The following TCF20 variants were observed in gnomAD, a reference collection of about 807,000 sequenced individuals.
The protein encoded by TCF20 is transcription factor 20, also known as SPRE-binding protein.
In TCF20, 3 loss-of-function variants were observed where a neutral mutation model predicts 148.6. The observed-to-expected ratio is 0.02, with a 90% confidence interval of 0.01 to 0.05. TCF20 has a LOEUF of 0.05. Ranked by LOEUF, TCF20 falls within the 10% of genes least tolerant of loss-of-function variation. The pLI is 1.00. For missense variants in TCF20, 2,350 were observed against 2,429.3 expected, an observed-to-expected ratio of 0.97 and a Z score of 0.69; for synonymous variants, 1,049 against 909.5, an observed-to-expected ratio of 1.15 and a Z score of -2.76.
Position 42,173,160 on chromosome 22 carries a change from C to T in TCF20, c.5750-3264G>A, listed in dbSNP as rs371846236. ...AAAACCCTCCACACAAGGTTCTTTA[C>T]GCACAGTGGAATTATTAATGAGCTA... On this transcript the variant is annotated intron_variant, in intron 3 of 5. Coordinates refer to ENST00000677622, the MANE Select transcript of TCF20 (RefSeq NM_001378418.1). Among the ~76,000 whole-genome samples the T allele has an allele frequency of 1.3e-4, 20 of 150,938 alleles. 1 individual carries two copies. The highest frequency in any genetic ancestry group is 1.0e-3 in the South Asian group (5 of 4,774).
chr22:42,309,660 C>T (rs952630922), intron 1 of TCF20, among the ~76,000 whole-genome samples: 5 of 101,460 alleles, frequency 4.9e-5, no homozygotes, highest in African/African-American at 2.3e-4. Flanking sequence ...GCCCCTGCAA[C>T]TCCCCACTGC....
intron 3 of TCF20, among the ~76,000 whole-genome samples, 184 bp from the exon 4 acceptor site, chr22:42,170,080 T>TAA (rs1936030165): frequency 6.6e-6 from 1 of 152,050 alleles, no homozygotes; most frequent in Admixed American, 6.6e-5. Context: ...ATCGGTCACT[T>TAA]AAAAATTAAC....
At chr22:42,183,796 G>C (rs571837104) in intron 2 of TCF20, among the ~76,000 whole-genome samples, 1 of 150,276 alleles carries the variant, frequency 6.7e-6, no homozygotes, top group South Asian at 2.1e-4. Flanking sequence ...TTTTTTGATG[G>C]AGTTTCGCTC....
At chr22:42,196,060 A>G (rs1451608138) in intron 2 of TCF20, among the ~76,000 whole-genome samples, 3 of 152,332 alleles carry the variant, frequency 2.0e-5, no homozygotes, top group East Asian at 1.9e-4. Context: ...GGGCATTTGC[A>G]TAAGTGCTGG....
At chr22:42,241,637 G>A (rs1318293181) in intron 1 of TCF20, among the ~76,000 whole-genome samples, 1 of 152,118 alleles carries the variant, frequency 6.6e-6, no homozygotes, top group Non-Finnish European at 1.5e-5. Context: ...GACCAGCTTG[G>A]CCATCATGGT....
intron 1 of TCF20, among the ~76,000 whole-genome samples, chr22:42,301,443 G>A (rs11090082): frequency 0.4 from 60,745 of 152,102 alleles, 12,912 homozygotes; most frequent in Middle Eastern, 0.53. Flanking sequence ...GGTAAGGCAC[G>A]TGGCCTGGTC....
intron 1 of TCF20, among the ~76,000 whole-genome samples, chr22:42,246,384 C>T (rs1382007855): frequency 1.3e-5 from 2 of 152,190 alleles, no homozygotes; most frequent in Non-Finnish European, 1.5e-5. Context: ...TGCTGGGATA[C>T]AGGCATGAGT....
intron 1 of TCF20, among the ~76,000 whole-genome samples, chr22:42,323,070 C>T (rs963087266): frequency 6.6e-6 from 1 of 151,672 alleles, no homozygotes. Context: ...CCACGACTGG[C>T]TGATTTTGTA....
upstream of TCF20, among the ~76,000 whole-genome samples, chr22:42,285,278 C>A (rs1425956189): frequency 6.6e-6 from 1 of 152,062 alleles, no homozygotes; most frequent in Non-Finnish European, 1.5e-5. The surrounding 1 kb of genome is among the most constrained non-coding windows in gnomAD (Gnocchi z 4.2). Flanking sequence ...AGCGCCAGGT[C>A]CTGGTTATCT....
chr22:42,172,256 C>G (rs950300922), intron 3 of TCF20, among the ~76,000 whole-genome samples: 2 of 152,212 alleles, frequency 1.3e-5, no homozygotes, highest in Admixed American at 6.5e-5. Context: ...AGCTCAGAAA[C>G]CTGGAGGGCA....
Position 42,270,473 on chromosome 22 carries a change from G to A in TCF20, c.-171C>T, listed in dbSNP as rs975004524. On this transcript the variant is annotated 5_prime_UTR_variant, in exon 1 of 6. Coordinates refer to ENST00000677622, the MANE Select transcript of TCF20 (RefSeq NM_001378418.1). ...CGCCTCCAGCTCGGGCGCCCGGGCC[G>A]GCGGCGGGGCGGGCCGGGGCCGCGG... 6.9e-6 allele frequency among the ~76,000 whole-genome samples: 1 copy of A among 144,742 alleles called. No homozygotes were observed. Among genetic ancestry groups the A allele is most frequent in the Non-Finnish European group, 1.5e-5 (1 of 65,078 alleles). 95.0% of individuals were successfully genotyped at this position (144,742 alleles called of 152,430 possible).
At chr22:42,323,434 AG>A (rs1035216501) in intron 1 of TCF20, among the ~76,000 whole-genome samples, 2 of 151,672 alleles carry the variant, frequency 1.3e-5, no homozygotes, top group African/African-American at 4.8e-5. Context: ...TTAGCATCAC[AG>A]GGAAGGGGGC....
intron 2 of TCF20, among the ~76,000 whole-genome samples, chr22:42,196,675 G>C (rs1937611750): frequency 6.6e-6 from 1 of 152,180 alleles, no homozygotes; most frequent in Non-Finnish European, 1.5e-5. Flanking sequence ...GGCACCCCTA[G>C]GGAGCCAGCC....
At chr22:42,162,197 G>T (rs11703505) in intron 5 of TCF20, among the ~76,000 whole-genome samples, 2 of 151,956 alleles carry the variant, frequency 1.3e-5, no homozygotes, top group Non-Finnish European at 2.9e-5. Context: ...GGCTGGTCTA[G>T]AACTCCTGGC....
rs1239052253 is a variant in TCF20 at position 42,305,489 on chromosome 22, AGACCCCTGGCCCTG to A, written c.-37+37976_-37+37989del. 2.6e-5 allele frequency among the ~76,000 whole-genome samples: 4 copies of A among 152,166 alleles called. No homozygotes were observed. In the East Asian group the frequency reaches 7.7e-4, roughly 29 times the overall value. On this transcript the variant is annotated intron_variant, in intron 1 of 1. Transcript: ENST00000515426. ...TCTCTCCCAGTCCCCAGGGGAGACC[AGACCCCTGGCCCTG>A]GACACCTGGCTCACCCCACCAGAAC...
intron 5 of TCF20, among the ~76,000 whole-genome samples, chr22:42,165,388 G>A (rs983803136): frequency 6.6e-6 from 1 of 152,234 alleles, no homozygotes; most frequent in Non-Finnish European, 1.5e-5. Context: ...CTGGACCACA[G>A]GGCCTGTTAG....
chr22:42,201,567 A>C (rs1422058504), intron 2 of TCF20, among the ~76,000 whole-genome samples: 2 of 152,160 alleles, frequency 1.3e-5, no homozygotes, highest in Non-Finnish European at 2.9e-5. Flanking sequence ...CAGGAGTTCG[A>C]GATCAGCCTC....
upstream of TCF20, among the ~76,000 whole-genome samples, chr22:42,288,301 G>A (rs750803962): frequency 1.1e-4 from 16 of 152,110 alleles, no homozygotes; most frequent in Non-Finnish European, 1.9e-4. Flanking sequence ...ACGTTGGGAG[G>A]CCGAGGCAGG....
In TCF20 at chr22:42,161,275, G is replaced by C; in HGVS notation, c.*128C>G. 2.5e-6 allele frequency: 4 copies of C among 1,605,786 alleles called. No homozygotes were observed. The highest frequency in any genetic ancestry group is 3.4e-6 in the Non-Finnish European group (4 of 1,175,508). ...GCAGGCACGCGGGCGGGGCGGGGCGGGGCAGGGCAGGGTGTGGCTGCACGG... is the reference window on the plus strand; with the variant it reads ...GCAGGCACGCGGGCGGGGCGGGGCGCGGCAGGGCAGGGTGTGGCTGCACGG... On this transcript the variant is annotated 3_prime_UTR_variant, in exon 6 of 6. Coordinates refer to ENST00000677622, the MANE Select transcript of TCF20 (RefSeq NM_001378418.1).
Sources: gnomAD v4.1 joint callset for allele counts (sites outside exome capture counted in the v4.1 genomes callset) on GRCh38, gnomAD v4.1.1 for gene constraint, Gnocchi (gnomAD v3.1) non-coding constraint, MANE v1.5 for transcripts, NCBI Gene and HGNC (gene_info 2026-07-23, HGNC 2026-07-21) for gene names.